The following MYRIP variants were observed in gnomAD, a reference collection of about 807,000 sequenced individuals.
MYRIP encodes rab effector MyRIP.
Under a neutral mutation model 98.0 loss-of-function variants are expected in MYRIP, and 49 were observed. The ratio of observed to expected loss-of-function variants is 0.50; its 90% confidence interval spans 0.40 to 0.63. MYRIP has a LOEUF of 0.63. Among genes scored for constraint, MYRIP ranks in the 30% least tolerant of loss-of-function variants. The probability of loss-of-function intolerance (pLI) is 0.00; values close to 1 mark genes in which losing one functional copy is unlikely to be tolerated. For synonymous variants in MYRIP, 404 were observed against 409.5 expected (o/e 0.99, Z 0.16); for missense variants, 1,004 against 1,058.2 (o/e 0.95, Z 0.71).
chr3:40,036,029 T>G (rs370299016), intron 2 of MYRIP, among the ~76,000 whole-genome samples: 2 of 151,898 alleles, frequency 1.3e-5, no homozygotes, highest in African/African-American at 4.8e-5. Context: ...AGAAAAGCTT[T>G]GAGATATAAT....
chr3:40,011,526 C>G (rs1413210400), intron 2 of MYRIP, among the ~76,000 whole-genome samples: 4 of 152,198 alleles, frequency 2.6e-5, no homozygotes, highest in Non-Finnish European at 5.9e-5. Flanking sequence ...CTTTGAGCTT[C>G]TCTGTCTTCT....
intron 1 of MYRIP, among the ~76,000 whole-genome samples, chr3:39,852,541 C>G (rs1448465493): frequency 6.6e-6 from 1 of 151,560 alleles, no homozygotes; most frequent in Non-Finnish European, 1.5e-5. Context: ...TCACCCCACT[C>G]CCCCCTTCCC....
At chr3:39,975,589 A>G (rs1945728286) in intron 2 of MYRIP, among the ~76,000 whole-genome samples, 1 of 152,060 alleles carries the variant, frequency 6.6e-6, no homozygotes, top group Non-Finnish European at 1.5e-5. Context: ...CCGCATTGCC[A>G]AGTCAATCCT....
chr3:40,030,321 T>C (rs1399399390), intron 2 of MYRIP, among the ~76,000 whole-genome samples: 1 of 152,096 alleles, frequency 6.6e-6, no homozygotes, highest in African/African-American at 2.4e-5. Context: ...ATGGCTGTAA[T>C]TTTTTAAAAT....
At chr3:40,001,672 A>G (rs1281170043) in intron 2 of MYRIP, among the ~76,000 whole-genome samples, 1 of 152,210 alleles carries the variant, frequency 6.6e-6, no homozygotes, top group African/African-American at 2.4e-5. Context: ...AAGGCCATAC[A>G]TTGCAAGGGT....
chr3:40,223,755 A>C (rs1316092482), intron 11 of MYRIP, among the ~76,000 whole-genome samples: 2 of 152,208 alleles, frequency 1.3e-5, no homozygotes, highest in African/African-American at 2.4e-5. Context: ...CTGTTCAAGG[A>C]GGTGCAATGC....
chr3:39,855,611 G>A (rs1024339113), intron 1 of MYRIP, among the ~76,000 whole-genome samples: 56 of 152,166 alleles, frequency 3.7e-4, no homozygotes, highest in African/African-American at 1.3e-3. Flanking sequence ...CAGGGAGGTG[G>A]GGCAAGAGGC....
At chr3:40,087,023 C>G (rs1948642822) in intron 3 of MYRIP, among the ~76,000 whole-genome samples, 1 of 152,070 alleles carries the variant, frequency 6.6e-6, no homozygotes, top group Non-Finnish European at 1.5e-5. Context: ...AAGGCATTAT[C>G]AGTTAGCTCC....
At chr3:39,890,270 G>T (rs1390772204) in intron 1 of MYRIP, among the ~76,000 whole-genome samples, 7 of 151,484 alleles carry the variant, frequency 4.6e-5, no homozygotes, top group Non-Finnish European at 8.8e-5. Flanking sequence ...CTCACTTCTC[G>T]TGCATGCCTT....
rs57600928 is a variant in MYRIP, at chr3:39,945,309, CAAAAAAAAAAAAAA to C, written c.110+44396_110+44409del. ...ACATGGTGAAATACCATCTCTACTA[CAAAAAAAAAAAAAA>C]AAAAAAAAAAAAGCTGTGCATGATG... On this transcript the variant is annotated intron_variant, in intron 2 of 16. Transcript: ENST00000302541. Among the ~76,000 whole-genome samples, 324 of 42,984 alleles carry C rather than the reference CAAAAAAAAAAAAAA, an allele frequency of 7.5e-3. 2 individuals carry two copies. Among genetic ancestry groups the C allele is most frequent in the African/African-American group, 0.021 (306 of 14,648 alleles). 28.2% of individuals were successfully genotyped at this position (42,984 alleles called of 152,430 possible).
chr3:39,955,913 G>T (rs1945146523), intron 2 of MYRIP, among the ~76,000 whole-genome samples: 1 of 152,102 alleles, frequency 6.6e-6, no homozygotes, highest in South Asian at 2.1e-4. Context: ...AATCAACAAA[G>T]ATCAAAAGAG....
At position 40,243,131 on chromosome 3, in the gene MYRIP, A is replaced by G. The variant is rs1953078282; in HGVS notation, c.2101-1315A>G. On this transcript the variant is annotated intron_variant, in intron 12 of 16. Coordinates refer to ENST00000302541, the MANE Select transcript of MYRIP (RefSeq NM_015460.4). ...TGAAGTGTGGCAATTCCCATCAGAC[A>G]TTTGATTCATGGCCCCTGTATGACT... is the stretch of plus-strand genomic sequence containing the variant. 2.0e-5 allele frequency among the ~76,000 whole-genome samples: 3 copies of G among 152,338 alleles called. No individual in the cohort carries two copies. The South Asian group carries it at 6.2e-4, about 32-fold the overall frequency.
chr3:39,999,919 C>T (rs1575452989), intron 2 of MYRIP, among the ~76,000 whole-genome samples: 2 of 151,156 alleles, frequency 1.3e-5, no homozygotes, highest in South Asian at 2.1e-4. Flanking sequence ...AGCAAACTAT[C>T]GCAAGGACAA....
chr3:40,062,510 C>T (rs1029016919), intron 3 of MYRIP, among the ~76,000 whole-genome samples: 2 of 152,096 alleles, frequency 1.3e-5, no homozygotes, highest in African/African-American at 4.8e-5. Flanking sequence ...AAATATATTT[C>T]ATTTTAAATA....
intron 2 of MYRIP, among the ~76,000 whole-genome samples, chr3:40,029,233 C>T (rs111346115): frequency 0.021 from 3,241 of 152,278 alleles, 52 homozygotes; most frequent in Non-Finnish European, 0.033. Context: ...ATAACATCTT[C>T]CTTCCTTGGA....
chr3:39,990,511 A>C (rs1244811856), intron 2 of MYRIP, among the ~76,000 whole-genome samples: 1 of 152,154 alleles, frequency 6.6e-6, no homozygotes, highest in African/African-American at 2.4e-5. Flanking sequence ...AATTATTTTG[A>C]GGCTTGAGTG....
chr3:40,096,439 C>A (rs1397021674), intron 3 of MYRIP, among the ~76,000 whole-genome samples: 3 of 152,198 alleles, frequency 2.0e-5, no homozygotes, highest in Non-Finnish European at 2.9e-5. Context: ...TCAAATTTAG[C>A]ATATGGCAAA....
intron 3 of MYRIP, among the ~76,000 whole-genome samples, chr3:40,141,936 G>T (rs1380172058): frequency 6.6e-6 from 1 of 151,462 alleles, no homozygotes; most frequent in Non-Finnish European, 1.5e-5. Context: ...GGGATAATTT[G>T]TGGTTCCATA....
intron 3 of MYRIP, among the ~76,000 whole-genome samples, chr3:40,111,982 T>C (rs1171369507): frequency 6.6e-6 from 1 of 152,182 alleles, no homozygotes; most frequent in Admixed American, 6.5e-5. Context: ...AAAGGTTCTT[T>C]CCTGATCTGA....
Sources: gnomAD v4.1 joint callset for allele counts (sites outside exome capture counted in the v4.1 genomes callset) on GRCh38, gnomAD v4.1.1 for gene constraint, MANE v1.5 for transcripts, NCBI Gene and HGNC (gene_info 2026-07-23, HGNC 2026-07-21) for gene names.